Variants in KIF3A observed in about 807,000 individuals in gnomAD.
The protein encoded by KIF3A is kinesin-like protein KIF3A.
A neutral mutation model predicts 92.6 loss-of-function variants in KIF3A; 27 were observed. That is an observed-to-expected ratio of 0.29 (90% CI 0.21 to 0.40). KIF3A has a LOEUF of 0.40. Among genes scored for constraint, KIF3A ranks in the 10% least tolerant of loss-of-function variants. KIF3A has a pLI of 1.00. For missense variants in KIF3A, 581 were observed against 872.6 expected, an observed-to-expected ratio of 0.67 and a Z score of 4.21; for synonymous variants, 250 against 275.4, an observed-to-expected ratio of 0.91 and a Z score of 0.92.
At chr5:132,697,214 T>C (rs917731033) in intron 18 of KIF3A, among the ~76,000 whole-genome samples, 4 of 152,198 alleles carry the variant, frequency 2.6e-5, no homozygotes, top group African/African-American at 9.7e-5. Flanking sequence ...TAACATAGCA[T>C]CAATAAACCA....
intron 17 of KIF3A, among the ~76,000 whole-genome samples, chr5:132,699,870 C>A (rs1752973612): frequency 6.6e-6 from 1 of 152,122 alleles, no homozygotes; most frequent in African/African-American, 2.4e-5. Context: ...CCCGCTCCCT[C>A]TTCTTCTTGA....
chr5:132,737,194 G>T (rs1300186170), intron 1 of KIF3A, among the ~76,000 whole-genome samples: 4 of 152,236 alleles, frequency 2.6e-5, no homozygotes, highest in African/African-American at 9.6e-5. Context: ...CAGCGACGAG[G>T]GCGGCAGGGC....
chr5:132,711,982 T>C (rs952137793), intron 8 of KIF3A, among the ~76,000 whole-genome samples: 2 of 152,214 alleles, frequency 1.3e-5, no homozygotes, highest in African/African-American at 4.8e-5. Flanking sequence ...TGTTTACATA[T>C]GAAATGTCTA....
intron 1 of KIF3A, 46 bp downstream of exon 1, chr5:132,737,368 C>T (rs768783918): frequency 1.6e-5 from 26 of 1,591,722 alleles, no homozygotes; most frequent in Non-Finnish European, 2.1e-5. Flanking sequence ...CCGGGCCAGG[C>T]CGCTAGGATG....
intron 5 of KIF3A, among the ~76,000 whole-genome samples, chr5:132,719,160 C>T (rs1753741178): frequency 6.6e-6 from 1 of 152,184 alleles, no homozygotes; most frequent in Non-Finnish European, 1.5e-5. Flanking sequence ...CCTCAGTGCC[C>T]ATTTCTTCAA....
chr5:132,720,846 A>G, intron 4 of KIF3A, 132 bp from the exon 5 acceptor site: 1 of 530,318 alleles, frequency 1.9e-6, no homozygotes, highest in Non-Finnish European at 3.4e-6. Flanking sequence ...TCCTACACGC[A>G]TGGAGATGTC....
At chr5:132,710,524 G>A (rs779638698) in intron 9 of KIF3A, among the ~76,000 whole-genome samples, 20 of 152,338 alleles carry the variant, frequency 1.3e-4, no homozygotes, top group South Asian at 1.2e-3. Flanking sequence ...GCTGAGGCAG[G>A]AGAATCGCTT....
chr5:132,703,364 A>G (rs1753107871), intron 12 of KIF3A, 99 bp downstream of exon 12: 1 of 1,072,076 alleles, frequency 9.3e-7, no homozygotes, highest in Non-Finnish European at 1.3e-6. Flanking sequence ...GGAGACAAAA[A>G]TCCAAGCTTT....
intron 1 of KIF3A, 104 bp downstream of exon 1, chr5:132,737,310 A>T: frequency 7.4e-7 from 1 of 1,355,692 alleles, no homozygotes; most frequent in Non-Finnish European, 1.0e-6. Context: ...GCCCCGCCCC[A>T]CCCAGGCCGC....
Position 132,694,589 on chromosome 5 carries a change from T to C in KIF3A, c.*2045A>G, listed in dbSNP as rs1414104022. The C allele has an allele frequency of 1.3e-5, 2 of 152,338 alleles. No homozygotes were observed. Among genetic ancestry groups the C allele is most frequent in the East Asian group, 1.9e-4 (1 of 5,340 alleles). 9.4% of individuals were successfully genotyped at this position (152,338 alleles called of 1,614,324 possible). On this transcript the variant is annotated 3_prime_UTR_variant, in exon 19 of 19. Coordinates refer to ENST00000403231, the MANE Select transcript of KIF3A (RefSeq NM_001300791.2). ...AGTTACTCCTTTCCTATTAACTGAA[T>C]TGTTAAAGGTTAGAAACATGAACTT...
chr5:132,725,005 TA>T (rs974352605), intron 4 of KIF3A, among the ~76,000 whole-genome samples: 53 of 140,920 alleles, frequency 3.8e-4, no homozygotes, highest in Non-Finnish European at 4.4e-4. Context: ...TTTCCTAAAA[TA>T]AAAAAAAAAG....
chr5:132,724,260 C>G (rs971739440), intron 4 of KIF3A, among the ~76,000 whole-genome samples: 30 of 152,116 alleles, frequency 2.0e-4, no homozygotes, highest in East Asian at 1.4e-3. Context: ...GGATCTAGAA[C>G]TAGAAATACC....
intron 8 of KIF3A, 30 bp from the exon 9 acceptor site, chr5:132,711,087 T>G: frequency 6.2e-7 from 1 of 1,602,206 alleles, no homozygotes; most frequent in Non-Finnish European, 8.6e-7. Context: ...CAATGTTTTT[T>G]ATCCTGTACG....
At chr5:132,708,845 T>A (rs1050788218) in intron 10 of KIF3A, 62 bp downstream of exon 10, 2 of 1,117,326 alleles carry the variant, frequency 1.8e-6, no homozygotes, top group African/African-American at 3.1e-5. Context: ...ATTGCTCAAA[T>A]GAAGCCCATG....
intron 7 of KIF3A, 71 bp downstream of exon 7, chr5:132,716,174 G>GT: frequency 1.6e-6 from 2 of 1,250,226 alleles, no homozygotes; most frequent in Admixed American, 3.7e-5. Context: ...AATGTGATAC[G>GT]TATCAATTAT....
Position 132,694,640 on chromosome 5 carries a change from T to C in KIF3A, c.*1994A>G, listed in dbSNP as rs1310069357. The C allele has an allele frequency of 1.3e-5, 2 of 152,330 alleles. No individual in the cohort carries two copies. Among genetic ancestry groups the C allele is most frequent in the African/African-American group, 4.8e-5 (2 of 41,446 alleles). The allele number at this position is 152,330 out of a possible 1,614,324, so 9.4% of individuals were successfully genotyped here. A position where few individuals can be genotyped will look rare whatever the true frequency, so the allele number is the denominator to read the frequency against. On this transcript the variant is annotated 3_prime_UTR_variant, in exon 19 of 19. Transcript: ENST00000403231. ...TTAAAAAGAAGCGTTTTTTTTAAAC[T>C]GGTAAAATTAAGATTTCTTTAGAGT...
In KIF3A at chr5:132,716,411, G is replaced by C. The variant is rs777438792; in HGVS notation, c.788C>G (p.Thr263Ser). The change falls in exon 7 of 19, where the codon ACT becomes AGT. Residue 263 changes from threonine (T) to serine (S), a missense_variant. By Grantham distance (58) the Thr-to-Ser change is moderately conservative. Transcript: ENST00000403231. Reference sequence around the variant, plus strand: ...TGTAGCTTCCTTTAGGCGCTGTCCAGTAGCTCCAGTTTTTGCCTGTCTTTC... The same window carrying C: ...TGTAGCTTCCTTTAGGCGCTGTCCACTAGCTCCAGTTTTTGCCTGTCTTTC... Reference protein sequence around the residue: ...GSERQAKTGATGQRLKEATKI... With the variant: ...GSERQAKTGASGQRLKEATKI... 1.2e-6 allele frequency: 2 copies of C among 1,613,830 alleles called. No homozygotes were observed. The highest frequency in any genetic ancestry group is 2.7e-5 in the African/African-American group (2 of 74,936).
chr5:132,733,944 A>G (rs1471987037), intron 2 of KIF3A, among the ~76,000 whole-genome samples: 1 of 152,254 alleles, frequency 6.6e-6, no homozygotes, highest in African/African-American at 2.4e-5. Flanking sequence ...ATTATATGAC[A>G]TCATTTATAT....
chr5:132,699,799 T>G (rs993057673), intron 17 of KIF3A, among the ~76,000 whole-genome samples: 1 of 151,834 alleles, frequency 6.6e-6, no homozygotes, highest in African/African-American at 2.4e-5. Flanking sequence ...CCTGACCTCG[T>G]GATCCACCCG....
Sources: gnomAD v4.1 joint callset for allele counts (sites outside exome capture counted in the v4.1 genomes callset) on GRCh38, gnomAD v4.1.1 for gene constraint, MANE v1.5 for transcripts, NCBI Gene and HGNC (gene_info 2026-07-23, HGNC 2026-07-21) for gene names.